Variants in ANKRD26 observed in about 807,000 individuals in gnomAD.
ANKRD26 encodes ankyrin repeat domain-containing protein 26.
Under a neutral mutation model 208.7 loss-of-function variants are expected in ANKRD26, and 141 were observed. The ratio of observed to expected loss-of-function variants is 0.68; its 90% CI spans 0.59 to 0.78. The LOEUF (loss-of-function observed/expected upper bound fraction) is 0.78. Ranked by LOEUF, ANKRD26 falls within the 30% of genes least tolerant of loss-of-function variation. The pLI is 0.00. For missense variants in ANKRD26, 1,889 were observed against 1,938.7 expected (o/e 0.97, Z 0.48); for synonymous variants, 636 against 660.4 (o/e 0.96, Z 0.57).
chr10:27,018,286 C>T (rs374688229), intron 29 of ANKRD26, among the ~76,000 whole-genome samples: 71 of 151,942 alleles, frequency 4.7e-4, no homozygotes, highest in Middle Eastern at 3.4e-3. Context: ...AGGCACCCAC[C>T]ACCAGGCCCG....
In ANKRD26 at chr10:27,005,329, T is replaced by C; in HGVS notation, c.*261A>G. On this transcript the variant is annotated 3_prime_UTR_variant, in exon 34 of 34. Coordinates refer to ENST00000376087, the MANE Select transcript of ANKRD26 (RefSeq NM_014915.3). ...TCAATTAACTGCACTAAAGTATTAA[T>C]GACAACTTAGTGGTTTGGCTGTTTA... The C allele has an allele frequency of 8.7e-7, 1 of 1,155,546 alleles. No individual in the cohort carries two copies. 71.6% of individuals were successfully genotyped at this position (1,155,546 alleles called of 1,614,324 possible).
At chr10:26,992,874 A>C (rs1310538216) in intron 5 of ANKRD26, among the ~76,000 whole-genome samples, 1 of 152,164 alleles carries the variant, frequency 6.6e-6, no homozygotes, top group Non-Finnish European at 1.5e-5. Context: ...ATGTATCTGG[A>C]ATATAAATAC....
downstream of ANKRD26, among the ~76,000 whole-genome samples, chr10:26,972,186 G>C (rs2052158417): frequency 6.8e-6 from 1 of 147,788 alleles, no homozygotes; most frequent in African/African-American, 2.5e-5. Flanking sequence ...AGTGAGCCGA[G>C]ATCGTGCCAC....
At chr10:27,026,320 T>G (rs942518655) in intron 27 of ANKRD26, among the ~76,000 whole-genome samples, 4 of 152,224 alleles carry the variant, frequency 2.6e-5, no homozygotes, top group Non-Finnish European at 5.9e-5. Flanking sequence ...AGGTTTTGAG[T>G]ACTTTTACTA....
intron 9 of ANKRD26, among the ~76,000 whole-genome samples, chr10:27,071,050 A>G (rs2055468054): frequency 6.6e-6 from 1 of 151,986 alleles, no homozygotes; most frequent in Non-Finnish European, 1.5e-5. Context: ...ACAATAATAA[A>G]TTTTGACCGC....
At chr10:27,069,156 T>C (rs969820201) in intron 9 of ANKRD26, among the ~76,000 whole-genome samples, 2 of 132,136 alleles carry the variant, frequency 1.5e-5, no homozygotes, top group African/African-American at 3.1e-5. Flanking sequence ...GGTGACGCCA[T>C]TGCGCTCTGA....
At chr10:27,074,577 G>C (rs2055626073) in intron 9 of ANKRD26, among the ~76,000 whole-genome samples, 2 of 152,026 alleles carry the variant, frequency 1.3e-5, no homozygotes, top group African/African-American at 4.8e-5. Context: ...GCTACTAGGG[G>C]GGCTGAAGCA....
downstream of ANKRD26, among the ~76,000 whole-genome samples, chr10:26,969,117 T>A (rs1223725504): frequency 6.6e-6 from 1 of 152,186 alleles, no homozygotes; most frequent in African/African-American, 2.4e-5. Context: ...TCCTAATATA[T>A]ACTCCTTGAG....
At chr10:27,017,816 G>A in intron 29 of ANKRD26, 24 bp from the exon 30 acceptor site, 1 of 1,601,782 alleles carries the variant, frequency 6.2e-7, no homozygotes, top group Non-Finnish European at 8.5e-7. Flanking sequence ...ATAATATAGT[G>A]TAATAATGAA....
chr10:26,956,124 C>T, the ANKRD26 span, among the ~76,000 whole-genome samples: 2 of 152,040 alleles, frequency 1.3e-5, no homozygotes. Flanking sequence ...GGAAAATATG[C>T]TTTTGTGAAA....
chr10:26,956,110 A>G, the ANKRD26 span, among the ~76,000 whole-genome samples: 5 of 152,336 alleles, frequency 3.3e-5, no homozygotes, highest in East Asian at 3.9e-4. Context: ...AAGTGGTCTT[A>G]CAAGGAAAAT....
intron 5 of ANKRD26, among the ~76,000 whole-genome samples, chr10:26,977,055 T>G (rs764878653): frequency 6.6e-6 from 1 of 152,208 alleles, no homozygotes; most frequent in Admixed American, 6.5e-5. Flanking sequence ...CCCCGGAAAC[T>G]TCGATGCTTC....
chr10:26,994,003 G>C (rs11516861), intron 5 of ANKRD26, among the ~76,000 whole-genome samples: 1,817 of 152,312 alleles, frequency 0.012, 21 homozygotes, highest in South Asian at 0.035. Flanking sequence ...AATCAGACAA[G>C]GCTGGTGCCT....
chr10:27,048,533 T>C (rs2054538395), intron 17 of ANKRD26, among the ~76,000 whole-genome samples: 2 of 152,202 alleles, frequency 1.3e-5, no homozygotes, highest in Admixed American at 1.3e-4. Flanking sequence ...AAAAAGGATT[T>C]ACCAATTTCA....
Position 27,064,034 on chromosome 10 carries a change from C to G in ANKRD26, c.1317G>C (p.Gly439=), listed in dbSNP as rs1241728982. Residue 439 remains glycine, a synonymous_variant, in exon 12 of 34, where the codon GGG becomes GGC. Transcript: ENST00000376087. The part of the protein sequence containing the change: ...FPQKYVDPLA[G]AADGKEKNIG... Reference sequence around the variant, plus strand: ...TATTTTTTTCTTTTCCGTCTGCAGCCCCAGCTAAAGGATCAACATACTTCT... The same window carrying G: ...TATTTTTTTCTTTTCCGTCTGCAGCGCCAGCTAAAGGATCAACATACTTCT... The G allele has an allele frequency of 1.2e-6, 2 of 1,611,368 alleles. No homozygotes were observed. The highest frequency in any genetic ancestry group is 2.7e-5 in the African/African-American group (2 of 74,788).
At chr10:26,973,715 G>A (rs1279832716), downstream of ANKRD26, among the ~76,000 whole-genome samples, 4 of 143,424 alleles carry the variant, frequency 2.8e-5, no homozygotes, top group Admixed American at 7.1e-5. Flanking sequence ...GTGCAGTGGT[G>A]CAATTTTGGC....
chr10:26,991,636 TCTC>T (rs1377578391), downstream of ANKRD26, among the ~76,000 whole-genome samples: 1 of 152,146 alleles, frequency 6.6e-6, no homozygotes, highest in African/African-American at 2.4e-5. Context: ...AAGACGAGGT[TCTC>T]CTTTTTGGTC....
At chr10:27,036,102 T>C (rs1278575728) in intron 23 of ANKRD26, among the ~76,000 whole-genome samples, 1 of 152,106 alleles carries the variant, frequency 6.6e-6, no homozygotes, top group Middle Eastern at 3.2e-3. Context: ...TACTCTGATA[T>C]CTAACCCATA....
intron 20 of ANKRD26, 86 bp downstream of exon 20, chr10:27,043,340 G>C: frequency 1.3e-6 from 2 of 1,494,340 alleles, no homozygotes; most frequent in Non-Finnish European, 1.9e-6. Flanking sequence ...ACTGCAAAAT[G>C]TATGCTAAAT....
Sources: allele counts gnomAD v4.1 joint callset (sites outside exome capture counted in the v4.1 genomes callset), GRCh38; gene constraint gnomAD v4.1.1; transcripts MANE v1.5; gene names NCBI Gene and HGNC (gene_info 2026-07-23, HGNC 2026-07-21).